LSS: variants seen among roughly 807,000 people sequenced by gnomAD.
The protein encoded by LSS is lanosterol synthase.
A neutral mutation model predicts 110.3 loss-of-function variants in LSS; 90 were observed. That is an observed-to-expected ratio of 0.82 (90% CI 0.69 to 0.97). LSS has a LOEUF of 0.97. Among genes scored for constraint, LSS ranks in the 50% least tolerant of loss-of-function variants. The pLI is 0.00. For synonymous variants in LSS, 433 were observed against 400.0 expected, an observed-to-expected ratio of 1.08 and a Z score of -0.98; for missense variants, 927 against 990.0, an observed-to-expected ratio of 0.94 and a Z score of 0.85.
Position 46,196,238 on chromosome 21 carries a change from C to G in LSS, c.1700G>C (p.Cys567Ser). The stretch of plus-strand genomic sequence containing the variant: ...GCCATCGGCCCTCTGCTGCCGCCGA[C>G]AGAACTCTAAGCCCTGCGTGAGGGT... ...RETLTQGLEF[C>S]RRQQRADGSW... The change falls in exon 18 of 22, where the codon TGT (cysteine) becomes TCT (serine). Residue 567 changes from cysteine to serine, a missense_variant. Cys to Ser is a moderately radical substitution (Grantham distance 112, BLOSUM62 -1). Transcript: ENST00000397728. The G allele has an allele frequency of 6.2e-7, 1 of 1,614,174 alleles. No homozygotes were observed. The highest frequency in any genetic ancestry group is 8.5e-7 in the Non-Finnish European group (1 of 1,180,046).
At chr21:46,208,021 T>C (rs2080076467) in intron 14 of LSS, among the ~76,000 whole-genome samples, 1 of 152,250 alleles carries the variant, frequency 6.6e-6, no homozygotes, top group Admixed American at 6.5e-5. Flanking sequence ...CCACTGGAAC[T>C]GCTCTGAGGC....
chr21:46,213,047 C>A lies in LSS; in HGVS notation c.1115G>T (p.Gly372Val). ...TACCTGCATTTTCATGCCGTCAAGG[C>A]CCATCCTGTGAGGAGAAAAAAGCCC... is the stretch of plus-strand genomic sequence containing the variant. ...VSRIPDYLWMGLDGMKMQGTN... is the reference protein window; with the variant it reads ...VSRIPDYLWMVLDGMKMQGTN... Residue 372 changes from glycine (G) to valine (V), a missense_variant, in exon 11 of 22, where the codon GGC becomes GTC. Physicochemically the swap from Gly to Val is moderately radical, Grantham distance 109. Transcript: ENST00000397728. 5.0e-6 allele frequency: 8 copies of A among 1,613,784 alleles called. No individual in the cohort carries two copies. The highest frequency in any genetic ancestry group is 6.8e-6 in the Non-Finnish European group (8 of 1,180,020).
intron 19 of LSS, among the ~76,000 whole-genome samples, chr21:46,195,020 G>C (rs556536135): frequency 6.6e-6 from 1 of 152,344 alleles, no homozygotes; most frequent in East Asian, 1.9e-4. Context: ...GCAGACTCTG[G>C]GAGACAGTGG....
chr21:46,227,532 C>G lies in LSS; in HGVS notation c.319+20G>C. The G allele has an allele frequency of 1.2e-6, 2 of 1,613,634 alleles. No homozygotes were observed. Among genetic ancestry groups the G allele is most frequent in the Non-Finnish European group, 8.5e-7 (1 of 1,179,790 alleles). Reference sequence around the variant, plus strand: ...GATCCAGGGTGGCCATACCATCAGGCTGGGGCAGCATACTCCTACCTGGCA... The same window carrying G: ...GATCCAGGGTGGCCATACCATCAGGGTGGGGCAGCATACTCCTACCTGGCA... On this transcript the variant is annotated intron_variant, in intron 3 of 21. Transcript: ENST00000397728.
chr21:46,212,046 C>T (rs1456030120), intron 11 of LSS, among the ~76,000 whole-genome samples: 1 of 120,250 alleles, frequency 8.3e-6, no homozygotes, highest in Non-Finnish European at 1.8e-5. Context: ...GCTGAGGGAG[C>T]GCTGGGCAGG....
intron 4 of LSS, 143 bp from the exon 5 acceptor site, chr21:46,222,118 C>G: frequency 1.2e-6 from 1 of 817,518 alleles, no homozygotes; most frequent in Non-Finnish European, 1.9e-6. Context: ...CAGGAGACCC[C>G]TGAGCAGCCA....
chr21:46,206,393 C>T (rs1341436467), intron 16 of LSS, among the ~76,000 whole-genome samples: 1 of 152,212 alleles, frequency 6.6e-6, no homozygotes, highest in East Asian at 1.9e-4. Context: ...GCCCTGTGGA[C>T]TGAGCAGGAA....
At chr21:46,215,956 C>T (rs1216690172) in intron 7 of LSS, among the ~76,000 whole-genome samples, 163 bp from the exon 8 acceptor site, 1 of 152,112 alleles carries the variant, frequency 6.6e-6, no homozygotes, top group Non-Finnish European at 1.5e-5. Context: ...ATGAAGGCCC[C>T]CTATGGGAGG....
In LSS at chr21:46,227,777, C is replaced by A. The variant is rs1042083698; in HGVS notation, c.181-87G>T. The A allele has an allele frequency of 6.0e-5, 87 of 1,441,974 alleles. 3 individuals carry two copies. The South Asian group carries it at 9.4e-4, about 16-fold the overall frequency. 89.3% of individuals were successfully genotyped at this position (1,441,974 alleles called of 1,614,324 possible). Reference sequence around the variant, plus strand: ...AACCCTCTTCACATACAGCCCAAGTCAAAACAGTGAATGTAAATTACTTTA... The same window carrying A: ...AACCCTCTTCACATACAGCCCAAGTAAAAACAGTGAATGTAAATTACTTTA... On this transcript the variant is annotated intron_variant, in intron 2 of 21. Coordinates refer to ENST00000397728, the MANE Select transcript of LSS (RefSeq NM_002340.6).
At position 46,190,984 on chromosome 21, in the gene LSS, AT is replaced by A. The variant is rs758602225; in HGVS notation, c.*119del. On this transcript the variant is annotated 3_prime_UTR_variant, in exon 22 of 22. Coordinates refer to ENST00000397728, the MANE Select transcript of LSS (RefSeq NM_002340.6). This position sits in a 1 kb window ranked among gnomAD's most constrained non-coding sequence, Gnocchi z 4.6. ...CAGCCTGGCCCCCAGATTCACATCT[AT>A]GAGATAGAGGTTGAGGGGTTGGAGC... 2.0e-4 allele frequency: 247 copies of A among 1,218,818 alleles called. No homozygotes were observed. The highest frequency in any genetic ancestry group is 2.6e-4 in the Non-Finnish European group (230 of 870,280). 75.5% of individuals were successfully genotyped at this position (1,218,818 alleles called of 1,614,324 possible).
Position 46,191,148 on chromosome 21 carries a change from A to G in LSS, c.2155T>C (p.Phe719Leu). The change falls in exon 22 of 22, where the codon TTC becomes CTC. Residue 719 changes from phenylalanine (F) to leucine (L), a missense_variant. Physicochemically the swap from Phe to Leu is conservative, Grantham distance 22 (BLOSUM62 0). Coordinates refer to ENST00000397728, the MANE Select transcript of LSS (RefSeq NM_002340.6). ...GCTCTCTCAGGGTACAGCTGGGAGA[A>G]GCGGCCGAGGGCCCAGATGGGGAAG... ...NIFPIWALGR[F>L]SQLYPERALA... The G allele has an allele frequency of 6.2e-7, 1 of 1,613,998 alleles. No individual in the cohort carries two copies. The highest frequency in any genetic ancestry group is 8.5e-7 in the Non-Finnish European group (1 of 1,179,830).
chr21:46,224,682 T>C (rs1467342436), intron 3 of LSS: 1 of 152,138 alleles, frequency 6.6e-6, no homozygotes, highest in Non-Finnish European at 1.5e-5. Context: ...CAGTAAATGG[T>C]GGGGCTAGGA....
rs2080115733 is a variant in LSS at position 46,210,556 on chromosome 21, C to T, written c.1194+132G>A. ...CAGCACGACCCTCTGAAGCCAGAGGCCAGAGCCCAGGTCACTGGAAGTATC... is the reference window on the plus strand; with the variant it reads ...CAGCACGACCCTCTGAAGCCAGAGGTCAGAGCCCAGGTCACTGGAAGTATC... On this transcript the variant is annotated intron_variant, in intron 12 of 21. Transcript: ENST00000397728. 7 of 928,904 alleles carry T rather than the reference C, an allele frequency of 7.5e-6. No individual in the cohort carries two copies. In the South Asian group the frequency reaches 8.9e-5, roughly 12 times the overall value. 57.5% of individuals were successfully genotyped at this position (928,904 alleles called of 1,614,324 possible). A position where few individuals can be genotyped will look rare whatever the true frequency, so the allele number is the denominator to read the frequency against.
In LSS at chr21:46,210,736, G is replaced by C; in HGVS notation, c.1146C>G (p.Asn382Lys). 1 of 1,613,964 alleles carries C rather than the reference G, an allele frequency of 6.2e-7. No homozygotes were observed. The highest frequency in any genetic ancestry group is 8.5e-7 in the Non-Finnish European group (1 of 1,179,950). The change falls in exon 12 of 22, where the codon AAC (asparagine) becomes AAG (lysine). Residue 382 changes from asparagine (N) to lysine (K), a missense_variant. Transcript: ENST00000397728. ...ATGCGGTGTCCCAGATCTGTGAGCC[G>C]TTGGTGCCCTACACACAAAGGATGG... is the stretch of plus-strand genomic sequence containing the variant. ...GLDGMKMQGT[N>K]GSQIWDTAFA...
At chr21:46,211,562 C>G (rs2080135252) in intron 11 of LSS, among the ~76,000 whole-genome samples, 2 of 152,172 alleles carry the variant, frequency 1.3e-5, no homozygotes, top group Admixed American at 6.5e-5. Context: ...GGCCGGTGAC[C>G]AAACCCTAGT....
chr21:46,204,623 A>C (rs766183826), intron 17 of LSS, among the ~76,000 whole-genome samples: 17 of 141,350 alleles, frequency 1.2e-4, no homozygotes, highest in Non-Finnish European at 2.4e-4. Flanking sequence ...AACCCATCTC[A>C]AAAAAAAAAG....
chr21:46,222,952 C>T (rs968912285), intron 3 of LSS, among the ~76,000 whole-genome samples: 13 of 152,250 alleles, frequency 8.5e-5, no homozygotes, highest in African/African-American at 3.1e-4. Flanking sequence ...TGCTCCCTGC[C>T]TAGGGCCTGT....
rs1292520263 is a variant in LSS at position 46,209,563 on chromosome 21, C to T, written c.1257G>A (p.Arg419=). 1 of 1,605,844 alleles carries T rather than the reference C, an allele frequency of 6.2e-7. No individual in the cohort carries two copies. The highest frequency in any genetic ancestry group is 8.5e-7 in the Non-Finnish European group (1 of 1,176,652). Residue 419 remains arginine (R), a synonymous_variant, in exon 13 of 22, where the codon AGG becomes AGA. Coordinates refer to ENST00000397728, the MANE Select transcript of LSS (RefSeq NM_002340.6). This position sits in a 1 kb window ranked among gnomAD's most constrained non-coding sequence, Gnocchi z 4.4. ...CAGGCACCGGCCTCACCTGTGAGAG[C>T]CTCAGGAACTCATGAGCCTTCTGCA... ...SCLQKAHEFL[R]LSQVPDNPPD...
In LSS at chr21:46,225,705, GTC is replaced by G. The variant is rs984084469; in HGVS notation, c.319+1845_319+1846del. 4.0e-5 allele frequency among the ~76,000 whole-genome samples: 6 copies of G among 151,000 alleles called. No individual in the cohort carries two copies. The East Asian group carries it at 5.8e-4, about 15-fold the overall frequency. The stretch of plus-strand genomic sequence containing the variant: ...ATATGCAGAAATAATGGCATAAGCT[GTC>G]TCTCTCTCTCTCTCTCCCACTCTCT... On this transcript the variant is annotated intron_variant, in intron 3 of 21. Coordinates refer to ENST00000397728, the MANE Select transcript of LSS (RefSeq NM_002340.6).
Sources: gnomAD v4.1 joint callset for allele counts (sites outside exome capture counted in the v4.1 genomes callset) on GRCh38, gnomAD v4.1.1 for gene constraint, Gnocchi (gnomAD v3.1) non-coding constraint, MANE v1.5 for transcripts, NCBI Gene and HGNC (gene_info 2026-07-23, HGNC 2026-07-21) for gene names.